LRP1B: variants seen among roughly 807,000 people sequenced by gnomAD.
The protein encoded by LRP1B is LDL receptor related protein 1B, also known as low-density lipoprotein receptor-related protein 1B.
LRP1B carries 217 observed loss-of-function variants against 556.6 expected under a neutral mutation model. That is an observed-to-expected ratio of 0.39 (90% CI 0.35 to 0.44). LRP1B has a LOEUF of 0.44. Among genes scored for constraint, LRP1B ranks in the 20% least tolerant of loss-of-function variants. The pLI, the probability that LRP1B is intolerant of heterozygous loss-of-function variation, is 1.00. For missense variants in LRP1B, 5,053 were observed against 5,620.8 expected (o/e 0.90, Z 3.23); for synonymous variants, 2,047 against 1,865.8 (o/e 1.10, Z -2.50).
intron 66 of LRP1B, among the ~76,000 whole-genome samples, chr2:140,401,362 A>G (rs2105228773): frequency 6.6e-6 from 1 of 152,318 alleles, no homozygotes. Flanking sequence ...TGCCAACTGC[A>G]TGGAATCTGG....
At chr2:141,183,014 T>C (rs1372094987) in intron 7 of LRP1B, among the ~76,000 whole-genome samples, 1 of 151,976 alleles carries the variant, frequency 6.6e-6, no homozygotes. Flanking sequence ...TATGTTTAAA[T>C]GTTTTATGAT....
intron 2 of LRP1B, among the ~76,000 whole-genome samples, chr2:141,675,683 A>G (rs1411907115): frequency 1.0e-4 from 1 of 9,920 alleles, no homozygotes; most frequent in Non-Finnish European, 3.4e-4. Flanking sequence ...TATTTGGTAT[A>G]TATATATATA....
At chr2:141,492,889 A>C (rs4954912) in intron 2 of LRP1B, among the ~76,000 whole-genome samples, 65,241 of 151,944 alleles carry the variant, frequency 0.43, 14,469 homozygotes, top group Non-Finnish European at 0.49. Flanking sequence ...TTCAAAATTT[A>C]ATTTCTTATG....
At chr2:140,868,792 A>C (rs1467146420) in intron 25 of LRP1B, among the ~76,000 whole-genome samples, 1 of 152,128 alleles carries the variant, frequency 6.6e-6, no homozygotes, top group East Asian at 1.9e-4. Context: ...TTTTATATTA[A>C]GGGAATAAGA....
chr2:141,858,807 A>T (rs1298754042), intron 1 of LRP1B, among the ~76,000 whole-genome samples: 1 of 152,222 alleles, frequency 6.6e-6, no homozygotes, highest in Admixed American at 6.5e-5. Flanking sequence ...TGGATAAGGA[A>T]TCTGATGCTC....
At chr2:141,904,085 T>TTATG (rs1235105270) in intron 1 of LRP1B, among the ~76,000 whole-genome samples, 2 of 151,902 alleles carry the variant, frequency 1.3e-5, no homozygotes, top group East Asian at 3.9e-4. Flanking sequence ...AGTTTGGATT[T>TTATG]TATGCCAAGT....
chr2:141,618,906 T>C (rs945251208), intron 2 of LRP1B, among the ~76,000 whole-genome samples: 1 of 152,160 alleles, frequency 6.6e-6, no homozygotes, highest in African/African-American at 2.4e-5. Context: ...TGAACTAAGA[T>C]AAAGAGGAAA....
At chr2:142,129,678 T>A (rs1446366047) in intron 1 of LRP1B, among the ~76,000 whole-genome samples, 1 of 151,520 alleles carries the variant, frequency 6.6e-6, no homozygotes, top group Non-Finnish European at 1.5e-5. Flanking sequence ...TAAGCTCATT[T>A]TCTGATTTTA....
chr2:140,826,498 A>G (rs1209127770), intron 31 of LRP1B, among the ~76,000 whole-genome samples: 2 of 152,212 alleles, frequency 1.3e-5, no homozygotes, highest in African/African-American at 2.4e-5. Context: ...TCCAGTGCCA[A>G]GATGATCACC....
At chr2:140,545,252 C>T (rs1477156089) in intron 43 of LRP1B, among the ~76,000 whole-genome samples, 5 of 151,372 alleles carry the variant, frequency 3.3e-5, no homozygotes, top group African/African-American at 9.7e-5. Flanking sequence ...TTTACCCTGC[C>T]GATAGTTTCT....
intron 86 of LRP1B, among the ~76,000 whole-genome samples, chr2:140,251,876 A>C (rs1361087445): frequency 1.3e-5 from 2 of 151,454 alleles, no homozygotes; most frequent in African/African-American, 4.8e-5. Context: ...AGTGAAGAAA[A>C]TCAGAAAAAC....
chr2:141,241,837 A>G (rs1683889636), intron 5 of LRP1B, among the ~76,000 whole-genome samples: 1 of 152,008 alleles, frequency 6.6e-6, no homozygotes, highest in Admixed American at 6.6e-5. Context: ...CCTAGCCAAT[A>G]GGTCTCACGC....
At chr2:140,303,608 G>A (rs1408538810) in intron 83 of LRP1B, among the ~76,000 whole-genome samples, 1 of 151,932 alleles carries the variant, frequency 6.6e-6, no homozygotes, top group Non-Finnish European at 1.5e-5. Context: ...CAAATATGGT[G>A]AAGATGTAAT....
At chr2:140,542,715 T>C (rs1314387915) in intron 43 of LRP1B, among the ~76,000 whole-genome samples, 7 of 152,026 alleles carry the variant, frequency 4.6e-5, no homozygotes, top group Non-Finnish European at 8.8e-5. Context: ...CCCAGAGAAC[T>C]CCATGAATAA....
intron 57 of LRP1B, among the ~76,000 whole-genome samples, chr2:140,488,186 C>T (rs1688553294): frequency 6.6e-6 from 1 of 151,954 alleles, no homozygotes; most frequent in Non-Finnish European, 1.5e-5. Context: ...CCTGGACAGC[C>T]AACTGATGAG....
At chr2:140,981,682 G>A (rs563099403) in intron 18 of LRP1B, among the ~76,000 whole-genome samples, 6 of 152,162 alleles carry the variant, frequency 3.9e-5, no homozygotes, top group East Asian at 3.9e-4. Flanking sequence ...AGAATCATAC[G>A]ACTCTACGGA....
intron 35 of LRP1B, among the ~76,000 whole-genome samples, chr2:140,734,654 T>C (rs769269925): frequency 1.4e-4 from 22 of 152,278 alleles, no homozygotes; most frequent in Non-Finnish European, 2.6e-4. Context: ...TCTCTAATTT[T>C]AGGGTAAATA....
At chr2:141,559,533 A>G (rs1686071352) in intron 2 of LRP1B, among the ~76,000 whole-genome samples, 1 of 151,756 alleles carries the variant, frequency 6.6e-6, no homozygotes, top group Non-Finnish European at 1.5e-5. Flanking sequence ...TATTTTTAAG[A>G]AGTGCTTTCT....
At chr2:140,323,581 T>C (rs1426983830) in intron 81 of LRP1B, among the ~76,000 whole-genome samples, 2 of 143,544 alleles carry the variant, frequency 1.4e-5, no homozygotes, top group Non-Finnish European at 3.2e-5. Context: ...TGTGCACATG[T>C]ACCCTAAAAC....
Sources: gnomAD v4.1 joint callset for allele counts (sites outside exome capture counted in the v4.1 genomes callset) on GRCh38, gnomAD v4.1.1 for gene constraint, MANE v1.5 for transcripts, NCBI Gene and HGNC (gene_info 2026-07-23, HGNC 2026-07-21) for gene names.